Variants in CTNNA2 observed in about 807,000 individuals in gnomAD.
The protein encoded by CTNNA2 is catenin alpha-2.
Under a neutral mutation model 101.0 loss-of-function variants are expected in CTNNA2, and 42 were observed. The ratio of observed to expected loss-of-function variants is 0.42; its 90% CI spans 0.32 to 0.54. CTNNA2 has a LOEUF of 0.54. Among genes scored for constraint, CTNNA2 ranks in the 20% least tolerant of loss-of-function variants. The pLI is 0.14. For missense variants in CTNNA2, 871 were observed against 1,223.1 expected (o/e 0.71, Z 4.29); for synonymous variants, 450 against 456.4 (o/e 0.99, Z 0.18).
At chr2:80,315,223 G>C (rs747557298) in intron 7 of CTNNA2, among the ~76,000 whole-genome samples, 5 of 152,070 alleles carry the variant, frequency 3.3e-5, no homozygotes, top group Admixed American at 3.3e-4. Flanking sequence ...TTAGATATCT[G>C]TTCCTACTTT....
intron 4 of CTNNA2, among the ~76,000 whole-genome samples, chr2:79,497,070 A>T (rs890687071): frequency 6.6e-6 from 1 of 152,214 alleles, no homozygotes; most frequent in East Asian, 1.9e-4. Flanking sequence ...ATTAGTTGTC[A>T]ACATTTTAAA....
chr2:80,101,609 T>C (rs1700550608), intron 7 of CTNNA2, among the ~76,000 whole-genome samples: 1 of 152,200 alleles, frequency 6.6e-6, no homozygotes, highest in Non-Finnish European at 1.5e-5. Context: ...TGGGCAGTAA[T>C]TCAGGTGCCA....
At chr2:79,573,223 C>A (rs1426392116) in intron 1 of CTNNA2, among the ~76,000 whole-genome samples, 1 of 152,140 alleles carries the variant, frequency 6.6e-6, no homozygotes, top group Non-Finnish European at 1.5e-5. Flanking sequence ...GAATGCTATT[C>A]CTTACAACGA....
intron 4 of CTNNA2, among the ~76,000 whole-genome samples, chr2:79,865,750 C>T (rs1209155211): frequency 1.3e-5 from 2 of 152,224 alleles, no homozygotes; most frequent in East Asian, 3.9e-4. Flanking sequence ...GACGGAGTCT[C>T]GCACTGTCGC....
intron 6 of CTNNA2, among the ~76,000 whole-genome samples, chr2:79,879,364 T>C (rs897244497): frequency 6.6e-6 from 1 of 152,092 alleles, no homozygotes; most frequent in African/African-American, 2.4e-5. Context: ...AGAATGTCAA[T>C]GGTAGTTTGA....
chr2:79,461,083 C>G (rs764773537), intron 4 of CTNNA2, among the ~76,000 whole-genome samples: 16 of 152,158 alleles, frequency 1.1e-4, no homozygotes, highest in Non-Finnish European at 2.1e-4. Flanking sequence ...CTCAAGTGAT[C>G]CCCCCGCCTC....
At chr2:80,087,972 C>T (rs1034291787) in intron 7 of CTNNA2, among the ~76,000 whole-genome samples, 8 of 151,910 alleles carry the variant, frequency 5.3e-5, no homozygotes, top group African/African-American at 9.7e-5. Context: ...GGCTGAATCA[C>T]GTATTAATCA....
At chr2:79,264,445 ATGAT>A (rs1674964561) in intron 2 of CTNNA2, among the ~76,000 whole-genome samples, 2 of 152,206 alleles carry the variant, frequency 1.3e-5, no homozygotes, top group South Asian at 2.1e-4. Context: ...ATTTTAATAA[ATGAT>A]TGAGCAAATA....
chr2:79,528,297 G>A lies in CTNNA2; in HGVS notation c.-6+15090G>A, dbSNP rs993361067. ...GTGCAACCATAGCTTACTGCAGCTC[G>A]AACTCCTAGACACACACGATCCTCT... On this transcript the variant is annotated intron_variant, in intron 1 of 18. Transcript: ENST00000402739. Among the ~76,000 whole-genome samples, 3 of 151,874 alleles carry A rather than the reference G, an allele frequency of 2.0e-5. No homozygotes were observed. In the Admixed American group the frequency reaches 2.0e-4, roughly 10 times the overall value.
chr2:79,651,483 T>C, intron 1 of CTNNA2, 69 bp from the exon 2 acceptor site: 1 of 1,438,636 alleles, frequency 7.0e-7, no homozygotes, highest in Non-Finnish European at 9.8e-7. Context: ...ATTTACCCAT[T>C]TTGAATCACC....
chr2:79,628,182 T>C (rs1159310313), intron 1 of CTNNA2, among the ~76,000 whole-genome samples: 1 of 152,148 alleles, frequency 6.6e-6, no homozygotes, highest in East Asian at 1.9e-4. Flanking sequence ...CCAGGCATGG[T>C]GGCTCACGCC....
At chr2:79,428,477 G>C (rs1678616351) in intron 4 of CTNNA2, among the ~76,000 whole-genome samples, 1 of 152,078 alleles carries the variant, frequency 6.6e-6, no homozygotes, top group African/African-American at 2.4e-5. Flanking sequence ...AGGATGAAAA[G>C]GGCAATTACA....
At position 79,707,123 on chromosome 2, in the gene CTNNA2, C is replaced by G. The variant is rs539701699; in HGVS notation, c.103-37264C>G. On this transcript the variant is annotated intron_variant, in intron 2 of 18. Transcript: ENST00000402739. ...CTCTGGATGACCATTGAGAAAGGCA[C>G]TGCTTTCACCTGGCTCAGCAACATC... is the stretch of plus-strand genomic sequence containing the variant. Among the ~76,000 whole-genome samples, 37 of 152,286 alleles carry G rather than the reference C, an allele frequency of 2.4e-4. No individual in the cohort carries two copies. In the South Asian group the frequency reaches 7.0e-3, roughly 29 times the overall value.
At chr2:80,477,861 A>C (rs1685849164) in intron 9 of CTNNA2, among the ~76,000 whole-genome samples, 1 of 152,176 alleles carries the variant, frequency 6.6e-6, no homozygotes. Flanking sequence ...ATACACATGC[A>C]GGTATTTTTT....
chr2:79,552,360 C>T (rs1343148266), intron 1 of CTNNA2, among the ~76,000 whole-genome samples: 1 of 152,020 alleles, frequency 6.6e-6, no homozygotes, highest in Non-Finnish European at 1.5e-5. Context: ...CACTGGGAGC[C>T]CCCTTGGCTG....
chr2:80,390,566 C>T (rs1311160006), intron 7 of CTNNA2, among the ~76,000 whole-genome samples: 1 of 152,212 alleles, frequency 6.6e-6, no homozygotes, highest in Non-Finnish European at 1.5e-5. Context: ...GAACATGACT[C>T]TTTCCCCTGG....
intron 4 of CTNNA2, among the ~76,000 whole-genome samples, chr2:79,427,564 C>T (rs932004528): frequency 6.6e-6 from 1 of 151,600 alleles, no homozygotes; most frequent in Non-Finnish European, 1.5e-5. Flanking sequence ...ATTCTGTGAT[C>T]TATGAAACCA....
intron 1 of CTNNA2, among the ~76,000 whole-genome samples, chr2:79,583,798 G>A (rs1346785688): frequency 6.6e-6 from 1 of 152,078 alleles, no homozygotes; most frequent in Non-Finnish European, 1.5e-5. Flanking sequence ...GACTCTTATA[G>A]TGTCCTTGCT....
chr2:79,406,559 T>G (rs1049044350), intron 4 of CTNNA2, among the ~76,000 whole-genome samples: 2 of 152,050 alleles, frequency 1.3e-5, no homozygotes, highest in South Asian at 2.1e-4. Flanking sequence ...CATAGTCTTA[T>G]GCAGCTGTCT....
Sources: allele counts gnomAD v4.1 joint callset (sites outside exome capture counted in the v4.1 genomes callset), GRCh38; gene constraint gnomAD v4.1.1; transcripts MANE v1.5; gene names NCBI Gene and HGNC (gene_info 2026-07-23, HGNC 2026-07-21).